The following TRIO variants were observed in gnomAD, a reference collection of about 807,000 sequenced individuals.
TRIO encodes trio Rho guanine nucleotide exchange factor.
A neutral mutation model predicts 351.9 loss-of-function variants in TRIO; 58 were observed. The ratio of observed to expected loss-of-function variants is 0.16; its 90% CI spans 0.13 to 0.21. The LOEUF is 0.21. Among genes scored for constraint, TRIO ranks in the 10% least tolerant of loss-of-function variants. The pLI is 1.00. For synonymous variants in TRIO, 1,758 were observed against 1,595.7 expected (o/e 1.10, Z -2.42); for missense variants, 3,201 against 4,027.8 (o/e 0.79, Z 5.56).
intron 55 of TRIO, among the ~76,000 whole-genome samples, chr5:14,505,521 C>A (rs1238611252): frequency 6.6e-6 from 1 of 152,228 alleles, no homozygotes; most frequent in Non-Finnish European, 1.5e-5. Flanking sequence ...TAGCAGGGCG[C>A]CCCCATGGGG....
intron 53 of TRIO, among the ~76,000 whole-genome samples, chr5:14,500,657 C>T (rs777559669): frequency 2.0e-5 from 3 of 151,996 alleles, no homozygotes; most frequent in Admixed American, 1.3e-4. Flanking sequence ...TTTGGGAGGC[C>T]GAGGCAGGTA....
At chr5:14,463,071 C>A in intron 36 of TRIO, 146 bp downstream of exon 36, 1 of 1,124,104 alleles carries the variant, frequency 8.9e-7, no homozygotes, top group Non-Finnish European at 1.2e-6. Context: ...CAGGCAGCGT[C>A]AGCCTGGTTG....
At chr5:14,313,468 A>G (rs1488769497) in intron 8 of TRIO, among the ~76,000 whole-genome samples, 2 of 152,192 alleles carry the variant, frequency 1.3e-5, no homozygotes, top group Non-Finnish European at 2.9e-5. Flanking sequence ...AAGAATATTA[A>G]TGGTGTCACA....
intron 41 of TRIO, among the ~76,000 whole-genome samples, chr5:14,478,295 T>C (rs1488588852): frequency 1.3e-5 from 2 of 152,252 alleles, no homozygotes; most frequent in African/African-American, 4.8e-5. Context: ...AGTTTTGTTT[T>C]GTTTTTTACT....
chr5:14,235,517 G>T (rs925690090), intron 1 of TRIO, among the ~76,000 whole-genome samples: 1 of 152,224 alleles, frequency 6.6e-6, no homozygotes, highest in Non-Finnish European at 1.5e-5. Flanking sequence ...TAGGCATGAA[G>T]TGAGTTAATA....
chr5:14,479,816 A>G lies in TRIO; in HGVS notation c.6244-103A>G, dbSNP rs1236415961. On this transcript the variant is annotated intron_variant, in intron 42 of 56. Transcript: ENST00000344204. ...TAGTCTAGTGCTTTTTTTCCTCGTT[A>G]CTTTTACTGCCAGTGTTGTAGTCTT... 11 of 1,027,784 alleles carry G rather than the reference A, an allele frequency of 1.1e-5. No homozygotes were observed. The African/African-American group carries it at 1.4e-4, about 13-fold the overall frequency. 63.7% of individuals were successfully genotyped at this position (1,027,784 alleles called of 1,614,324 possible).
At chr5:14,269,769 C>T (rs1795883631) in intron 1 of TRIO, among the ~76,000 whole-genome samples, 1 of 152,220 alleles carries the variant, frequency 6.6e-6, no homozygotes, top group Admixed American at 6.5e-5. Context: ...CTTTCCTTGC[C>T]TTCTAATTCC....
chr5:14,424,713 G>C (rs181096040), intron 34 of TRIO, among the ~76,000 whole-genome samples: 2 of 152,156 alleles, frequency 1.3e-5, no homozygotes, highest in African/African-American at 2.4e-5. Flanking sequence ...ACTGTCTTTC[G>C]TAAGTGTAGT....
At chr5:14,290,060 A>G (rs1164383950) in intron 4 of TRIO, among the ~76,000 whole-genome samples, 1 of 152,030 alleles carries the variant, frequency 6.6e-6, no homozygotes, top group East Asian at 1.9e-4. Flanking sequence ...ACTCTTGAAT[A>G]TTTTCTAAAT....
chr5:14,362,803 C>G (rs745753814), intron 13 of TRIO, among the ~76,000 whole-genome samples: 6 of 152,112 alleles, frequency 3.9e-5, no homozygotes, highest in Non-Finnish European at 8.8e-5. Context: ...GTTAAGTCCC[C>G]TCAGCCTTTT....
At chr5:14,491,851 C>T (rs1756511126) in intron 48 of TRIO, among the ~76,000 whole-genome samples, 1 of 152,166 alleles carries the variant, frequency 6.6e-6, no homozygotes, top group Non-Finnish European at 1.5e-5. Flanking sequence ...CACTGGGATG[C>T]TTTGTGATAT....
chr5:14,362,175 C>T (rs1258050510), intron 13 of TRIO, among the ~76,000 whole-genome samples: 4 of 152,182 alleles, frequency 2.6e-5, no homozygotes, highest in African/African-American at 9.6e-5. Context: ...GTGGAACTAC[C>T]GTGTGCCTGT....
intron 11 of TRIO, among the ~76,000 whole-genome samples, chr5:14,354,716 G>C (rs1345088023): frequency 6.6e-6 from 1 of 152,200 alleles, no homozygotes; most frequent in Non-Finnish European, 1.5e-5. Flanking sequence ...ACCGTTGGTA[G>C]CGTCTTGGCA....
chr5:14,261,949 C>G (rs1382952549), intron 1 of TRIO, among the ~76,000 whole-genome samples: 2 of 152,194 alleles, frequency 1.3e-5, no homozygotes, highest in Admixed American at 6.5e-5. Context: ...TTTAGCTTTT[C>G]AAAGGAGTTT....
At chr5:14,388,444 C>G (rs1474197290) in intron 23 of TRIO, among the ~76,000 whole-genome samples, 169 bp from the exon 24 acceptor site, 1 of 152,114 alleles carries the variant, frequency 6.6e-6, no homozygotes, top group Non-Finnish European at 1.5e-5. Flanking sequence ...CTTTTTTTCC[C>G]CTTTGAATTA....
chr5:14,295,702 G>T (rs1276531427), intron 6 of TRIO, among the ~76,000 whole-genome samples: 1 of 152,228 alleles, frequency 6.6e-6, no homozygotes, highest in Non-Finnish European at 1.5e-5. Flanking sequence ...AAGAGAGAAA[G>T]AATGCACTTG....
At chr5:14,467,017 A>G (rs917509631) in intron 37 of TRIO, among the ~76,000 whole-genome samples, 1 of 152,202 alleles carries the variant, frequency 6.6e-6, no homozygotes, top group Admixed American at 6.5e-5. Flanking sequence ...GTTATGCACT[A>G]TTGTTATCCC....
chr5:14,282,274 C>G (rs1736070976), intron 3 of TRIO, among the ~76,000 whole-genome samples: 1 of 152,026 alleles, frequency 6.6e-6, no homozygotes. Context: ...CTACTACTTA[C>G]TAAGCTTTGA....
At chr5:14,246,112 T>G (rs1017601041) in intron 1 of TRIO, among the ~76,000 whole-genome samples, 1 of 152,220 alleles carries the variant, frequency 6.6e-6, no homozygotes, top group South Asian at 2.1e-4. Context: ...AACCATTTCT[T>G]CTATCTGATA....
Sources: gnomAD v4.1 joint callset for allele counts (sites outside exome capture counted in the v4.1 genomes callset) on GRCh38, gnomAD v4.1.1 for gene constraint, MANE v1.5 for transcripts, NCBI Gene and HGNC (gene_info 2026-07-23, HGNC 2026-07-21) for gene names.